Variants in NFIB observed in about 807,000 individuals in gnomAD.
The protein encoded by NFIB is nuclear factor I B, also known as nuclear factor 1 B-type.
A neutral mutation model predicts 61.5 loss-of-function variants in NFIB; 11 were observed. The ratio of observed to expected loss-of-function variants is 0.18; its 90% CI spans 0.11 to 0.30. The LOEUF (loss-of-function observed/expected upper bound fraction) is 0.30, where lower values mean the gene tolerates loss of function less well. NFIB is among the 10% of genes least tolerant of loss of function. The probability of loss-of-function intolerance (pLI) is 1.00; values close to 1 mark genes in which losing one functional copy is unlikely to be tolerated. For synonymous variants in NFIB, 260 were observed against 216.5 expected (o/e 1.20, Z -1.76); for missense variants, 471 against 608.9 (o/e 0.77, Z 2.38).
chr9:14,205,224 G>GA (rs1188193889), intron 2 of NFIB, among the ~76,000 whole-genome samples: 1 of 1,420 alleles, frequency 7.0e-4, no homozygotes, highest in African/African-American at 4.2e-3. Flanking sequence ...AGGGAGGGGA[G>GA]GGGAGGGGGA....
the NFIB span, among the ~76,000 whole-genome samples, chr9:14,455,571 T>A: frequency 6.6e-6 from 1 of 152,076 alleles, no homozygotes; most frequent in African/African-American, 2.4e-5. Context: ...GGATATGATT[T>A]AATGAAGATG....
chr9:14,242,714 C>A (rs2054486119), intron 2 of NFIB, among the ~76,000 whole-genome samples: 1 of 151,886 alleles, frequency 6.6e-6, no homozygotes. Context: ...GGTATATGAT[C>A]AACAAAGCAA....
intron 1 of NFIB, among the ~76,000 whole-genome samples, chr9:14,346,559 G>A (rs1419709511): frequency 6.6e-6 from 1 of 152,072 alleles, no homozygotes; most frequent in Admixed American, 6.6e-5. Flanking sequence ...TCTATTCCCC[G>A]CACGCGCCCC....
chr9:14,442,785 G>C, the NFIB span, among the ~76,000 whole-genome samples: 1 of 152,166 alleles, frequency 6.6e-6, no homozygotes, highest in Admixed American at 6.5e-5. Flanking sequence ...GGGGGTTCAA[G>C]TCCAACATAC....
At chr9:14,212,948 A>C (rs941922738) in intron 2 of NFIB, among the ~76,000 whole-genome samples, 2 of 152,234 alleles carry the variant, frequency 1.3e-5, no homozygotes, top group African/African-American at 4.8e-5. Context: ...TTAAGTTAAG[A>C]TAACAGCTAC....
chr9:14,361,200 CAG>C (rs2061235733), intron 1 of NFIB: 1 of 150,468 alleles, frequency 6.6e-6, no homozygotes, highest in East Asian at 1.9e-4. Flanking sequence ...AAGTTTAACT[CAG>C]ATAACATTTA....
chr9:14,512,846 G>C, the NFIB span, among the ~76,000 whole-genome samples: 4 of 148,384 alleles, frequency 2.7e-5, no homozygotes, highest in East Asian at 8.0e-4. Flanking sequence ...GAATTGAATA[G>C]CTTTCTATAG....
chr9:14,180,757 C>G (rs572074660), intron 2 of NFIB: 1 of 152,362 alleles, frequency 6.6e-6, no homozygotes, highest in African/African-American at 2.4e-5. Flanking sequence ...GAGATTCTGT[C>G]TACTTCTTTT....
intron 10 of NFIB, among the ~76,000 whole-genome samples, chr9:14,100,499 G>A (rs113011844): frequency 0.039 from 5,946 of 152,148 alleles, 360 homozygotes; most frequent in African/African-American, 0.13. Context: ...ACGAGGTTAG[G>A]AGATCGAGAC....
At chr9:14,275,133 G>C (rs1166023038) in intron 2 of NFIB, among the ~76,000 whole-genome samples, 3 of 152,134 alleles carry the variant, frequency 2.0e-5, no homozygotes, top group Non-Finnish European at 4.4e-5. Flanking sequence ...GCTTCAGTTG[G>C]CAATGGCTGG....
In NFIB at chr9:14,391,383, G is replaced by A. The variant is rs147687406; in HGVS notation, c.108+7141C>T. On this transcript the variant is annotated intron_variant, in intron 1 of 8. Transcript: ENST00000380934. Reference sequence around the variant, plus strand: ...CAGGAATGTCAGGTGACCATTAGGTGATGATCAGGTGGTTCTTAAACTGTC... The same window carrying A: ...CAGGAATGTCAGGTGACCATTAGGTAATGATCAGGTGGTTCTTAAACTGTC... Among the ~76,000 whole-genome samples, 70 of 149,376 alleles carry A rather than the reference G, an allele frequency of 4.7e-4. 1 individual carries two copies. In the East Asian group the frequency reaches 0.014, roughly 29 times the overall value.
intron 1 of NFIB, chr9:14,361,943 T>C (rs1564031223): frequency 1.3e-5 from 2 of 152,190 alleles, no homozygotes; most frequent in Non-Finnish European, 1.5e-5. Flanking sequence ...CCCAGCAAGT[T>C]TGCTTTTTCC....
chr9:14,418,951 G>A, the NFIB span, among the ~76,000 whole-genome samples: 2 of 152,112 alleles, frequency 1.3e-5, no homozygotes, highest in Non-Finnish European at 1.5e-5. Context: ...ACAGGAAATA[G>A]GGGTTAGAGT....
At chr9:14,202,912 T>C (rs1427407764) in intron 2 of NFIB, among the ~76,000 whole-genome samples, 1 of 152,240 alleles carries the variant, frequency 6.6e-6, no homozygotes, top group Non-Finnish European at 1.5e-5. Context: ...AGTTGAATGC[T>C]ACTTACATAG....
At chr9:14,412,608 A>G in the NFIB span, among the ~76,000 whole-genome samples, 1 of 152,168 alleles carries the variant, frequency 6.6e-6, no homozygotes, top group Non-Finnish European at 1.5e-5. Context: ...GGCTTCCAGA[A>G]GATGTGATCT....
intron 1 of NFIB, among the ~76,000 whole-genome samples, chr9:14,370,145 C>A (rs2061343500): frequency 6.6e-6 from 1 of 152,214 alleles, no homozygotes; most frequent in East Asian, 1.9e-4. Flanking sequence ...ATAACCTTCA[C>A]CTCCTTACTG....
At chr9:14,334,604 T>C (rs1476288979) in intron 1 of NFIB, among the ~76,000 whole-genome samples, 2 of 152,216 alleles carry the variant, frequency 1.3e-5, no homozygotes, top group Non-Finnish European at 2.9e-5. Context: ...TTATATCTGT[T>C]GCAGATTTCT....
intron 6 of NFIB, among the ~76,000 whole-genome samples, chr9:14,126,485 G>T (rs561079457): frequency 6.6e-6 from 1 of 152,326 alleles, no homozygotes; most frequent in East Asian, 1.9e-4. Flanking sequence ...TATCGTCTCA[G>T]TCTCCCCAGG....
chr9:14,322,367 T>C (rs1277977888), intron 1 of NFIB: 4 of 240,294 alleles, frequency 1.7e-5, no homozygotes, highest in Non-Finnish European at 3.2e-5. Flanking sequence ...ATTGTTGTTT[T>C]AGCGGGGCTG....
Sources: allele counts gnomAD v4.1 joint callset (sites outside exome capture counted in the v4.1 genomes callset), GRCh38; gene constraint gnomAD v4.1.1; transcripts MANE v1.5; gene names NCBI Gene and HGNC (gene_info 2026-07-23, HGNC 2026-07-21).